Variants in IQCM observed in about 807,000 individuals in gnomAD.
IQCM encodes the protein IQ domain-containing protein M.
In IQCM, 45 loss-of-function variants were observed where a neutral mutation model predicts 57.6. The observed-to-expected ratio is 0.78, with a 90% CI of 0.62 to 1.00. IQCM has a LOEUF of 1.00. Ranked by LOEUF, IQCM falls within the 50% of genes least tolerant of loss-of-function variation. The probability of loss-of-function intolerance (pLI) is 0.00; values close to 1 mark genes in which losing one functional copy is unlikely to be tolerated. For missense variants in IQCM, 468 were observed against 511.6 expected (o/e 0.91, Z 0.82); for synonymous variants, 148 against 158.9 (o/e 0.93, Z 0.51).
chr4:149,481,029 A>G (rs895317654), intron 12 of IQCM, among the ~76,000 whole-genome samples: 3 of 152,012 alleles, frequency 2.0e-5, no homozygotes, highest in African/African-American at 7.2e-5. Flanking sequence ...ACCTTTTCCT[A>G]TGCCTGTTTG....
intron 12 of IQCM, among the ~76,000 whole-genome samples, chr4:149,470,317 G>T (rs1739375856): frequency 6.6e-6 from 1 of 151,776 alleles, no homozygotes; most frequent in Non-Finnish European, 1.5e-5. Flanking sequence ...AGCAGGGGTT[G>T]CAATACAAGT....
chr4:149,725,285 T>G (rs1765792486), intron 5 of IQCM, among the ~76,000 whole-genome samples: 1 of 152,122 alleles, frequency 6.6e-6, no homozygotes. Context: ...AGTACACACT[T>G]TTCTTTCTAA....
intron 5 of IQCM, among the ~76,000 whole-genome samples, chr4:149,720,078 T>G (rs1458856886): frequency 6.6e-6 from 1 of 152,214 alleles, no homozygotes; most frequent in Admixed American, 6.5e-5. Context: ...TGTAAAACAT[T>G]TGACTAACCT....
At chr4:149,504,738 T>A (rs1010173595) in intron 12 of IQCM, among the ~76,000 whole-genome samples, 1 of 151,930 alleles carries the variant, frequency 6.6e-6, no homozygotes, top group Non-Finnish European at 1.5e-5. Flanking sequence ...ATATGGTAAA[T>A]CCTGTCTCTA....
At chr4:149,459,613 T>TCCTCCC (rs757198536) in intron 12 of IQCM, among the ~76,000 whole-genome samples, 3 of 152,114 alleles carry the variant, frequency 2.0e-5, no homozygotes, top group Non-Finnish European at 2.9e-5. Context: ...CCCCACTCTC[T>TCCTCCC]CCTCCCCCAG....
chr4:149,757,709 A>C (rs1037639343), intron 2 of IQCM, among the ~76,000 whole-genome samples: 7 of 151,564 alleles, frequency 4.6e-5, no homozygotes, highest in Non-Finnish European at 8.8e-5. Context: ...AAGGATTTAG[A>C]TCTAACATTA....
intron 12 of IQCM, among the ~76,000 whole-genome samples, chr4:149,441,423 C>T (rs536057502): frequency 5.9e-4 from 89 of 152,100 alleles, no homozygotes; most frequent in Non-Finnish European, 1.2e-3. Flanking sequence ...AAAAGGGTTA[C>T]TGATCCCAAG....
intron 12 of IQCM, among the ~76,000 whole-genome samples, chr4:149,473,004 T>C (rs1739755368): frequency 6.6e-6 from 1 of 152,148 alleles, no homozygotes; most frequent in Non-Finnish European, 1.5e-5. Flanking sequence ...ATGTTAGACC[T>C]AAAACCATAA....
chr4:149,635,838 A>C (rs1757670336), intron 7 of IQCM, among the ~76,000 whole-genome samples: 1 of 152,124 alleles, frequency 6.6e-6, no homozygotes, highest in Non-Finnish European at 1.5e-5. Context: ...ATACCTGTAT[A>C]TTTCTTTAAA....
chr4:149,796,033 G>A (rs1341322381), intron 2 of IQCM, among the ~76,000 whole-genome samples: 1 of 152,196 alleles, frequency 6.6e-6, no homozygotes, highest in Admixed American at 6.5e-5. Flanking sequence ...GACTCCTTGT[G>A]CTTGAGAAAA....
At chr4:149,573,870 A>G (rs774518072) in intron 9 of IQCM, among the ~76,000 whole-genome samples, 1 of 152,034 alleles carries the variant, frequency 6.6e-6, no homozygotes, top group Non-Finnish European at 1.5e-5. Flanking sequence ...CCATAATTCC[A>G]AGCCTTCTTG....
chr4:149,409,393 T>G (rs751531601), intron 13 of IQCM, among the ~76,000 whole-genome samples: 6 of 152,238 alleles, frequency 3.9e-5, no homozygotes, highest in Non-Finnish European at 8.8e-5. Context: ...TCCCGATGGC[T>G]GCACGCTGAG....
At chr4:149,407,408 G>T (rs1733061013) in intron 13 of IQCM, among the ~76,000 whole-genome samples, 1 of 152,132 alleles carries the variant, frequency 6.6e-6, no homozygotes, top group Non-Finnish European at 1.5e-5. Flanking sequence ...TGGGCTTTTA[G>T]TGTACATTGT....
chr4:149,461,239 A>C (rs1738256070), intron 12 of IQCM, among the ~76,000 whole-genome samples: 1 of 151,698 alleles, frequency 6.6e-6, no homozygotes, highest in African/African-American at 2.4e-5. Context: ...ATCTCAAAAA[A>C]AAAAAAAAAA....
chr4:149,532,970 T>C (rs1277449558), intron 12 of IQCM, among the ~76,000 whole-genome samples: 1 of 152,122 alleles, frequency 6.6e-6, no homozygotes, highest in East Asian at 1.9e-4. Flanking sequence ...CAGGCTATTT[T>C]AGAGAGAAAA....
intron 12 of IQCM, among the ~76,000 whole-genome samples, chr4:149,454,161 TATATATAC>T (rs1246003042): frequency 6.8e-6 from 1 of 146,838 alleles, no homozygotes; most frequent in Non-Finnish European, 1.5e-5. Context: ...TATATATATA[TATATATAC>T]ACACACACAC....
intron 7 of IQCM, among the ~76,000 whole-genome samples, chr4:149,664,911 C>G (rs552848741): frequency 3.9e-5 from 6 of 152,112 alleles, no homozygotes; most frequent in African/African-American, 1.4e-4. Context: ...TGTGCACAGG[C>G]GCAGCAGGTC....
At chr4:149,455,872 G>A (rs1413813530) in intron 12 of IQCM, among the ~76,000 whole-genome samples, 1 of 151,764 alleles carries the variant, frequency 6.6e-6, no homozygotes, top group African/African-American at 2.4e-5. Context: ...CTACTAGGGA[G>A]ATTGAGGCAG....
intron 7 of IQCM, among the ~76,000 whole-genome samples, chr4:149,644,611 G>A (rs879603877): frequency 6.6e-6 from 1 of 152,086 alleles, no homozygotes; most frequent in Non-Finnish European, 1.5e-5. Flanking sequence ...ACCAGTTTGA[G>A]GTTATTACAG....
Sources: allele counts gnomAD v4.1 joint callset (sites outside exome capture counted in the v4.1 genomes callset), GRCh38; gene constraint gnomAD v4.1.1; transcripts MANE v1.5; gene names NCBI Gene and HGNC (gene_info 2026-07-23, HGNC 2026-07-21).